FHIT: variants seen among roughly 807,000 people sequenced by gnomAD.
FHIT encodes the protein fragile histidine triad diadenosine triphosphatase, also known as bis(5'-adenosyl)-triphosphatase.
Under a neutral mutation model 17.9 loss-of-function variants are expected in FHIT, and 19 were observed. That is an observed-to-expected ratio of 1.06 (90% CI 0.74 to 1.56). The LOEUF is 1.56. Ranked by LOEUF, FHIT falls within the 40% of genes most tolerant of loss-of-function variation. The pLI is 0.00. For missense variants in FHIT, 248 were observed against 189.2 expected, an observed-to-expected ratio of 1.31 and a Z score of -1.82; for synonymous variants, 81 against 69.7, an observed-to-expected ratio of 1.16 and a Z score of -0.81.
intron 5 of FHIT, among the ~76,000 whole-genome samples, chr3:60,449,117 C>T (rs1268445150): frequency 6.6e-6 from 1 of 152,102 alleles, no homozygotes; most frequent in Non-Finnish European, 1.5e-5. Context: ...CTGTTAACTA[C>T]CTATTACTGT....
chr3:61,138,655 C>T (rs1168897111), intron 2 of FHIT, among the ~76,000 whole-genome samples: 2 of 152,226 alleles, frequency 1.3e-5, no homozygotes, highest in African/African-American at 4.8e-5. Flanking sequence ...GGCCCCGTGG[C>T]TTGAAGTTGA....
intron 5 of FHIT, among the ~76,000 whole-genome samples, chr3:60,304,086 C>T (rs373219503): frequency 1.2e-4 from 19 of 152,086 alleles, no homozygotes; most frequent in African/African-American, 4.1e-4. Context: ...TCCTTCTTTA[C>T]GTAGACACAC....
chr3:60,190,853 G>C (rs998089179), intron 5 of FHIT, among the ~76,000 whole-genome samples: 7 of 152,058 alleles, frequency 4.6e-5, no homozygotes, highest in Non-Finnish European at 1.0e-4. Flanking sequence ...TGAGGCATGA[G>C]AATCCCTTGA....
At chr3:61,069,737 C>T (rs1000387531) in intron 2 of FHIT, among the ~76,000 whole-genome samples, 1 of 152,114 alleles carries the variant, frequency 6.6e-6, no homozygotes, top group Non-Finnish European at 1.5e-5. Context: ...TAGCACAGTG[C>T]CCCACACATA....
intron 2 of FHIT, among the ~76,000 whole-genome samples, chr3:61,130,855 G>T (rs1043111796): frequency 1.3e-5 from 2 of 152,146 alleles, no homozygotes; most frequent in African/African-American, 2.4e-5. Flanking sequence ...TTGAGAAGCT[G>T]GGAGAACTGG....
chr3:60,017,173 G>A (rs572481547), intron 5 of FHIT, among the ~76,000 whole-genome samples: 5 of 152,274 alleles, frequency 3.3e-5, no homozygotes, highest in African/African-American at 9.6e-5. Flanking sequence ...TCTGTTCATA[G>A]AAGGGAACCA....
At chr3:59,807,964 T>C (rs1700267802) in intron 8 of FHIT, among the ~76,000 whole-genome samples, 1 of 152,194 alleles carries the variant, frequency 6.6e-6, no homozygotes, top group African/African-American at 2.4e-5. Context: ...CATTTTAAAG[T>C]ATATCGTTCA....
At chr3:60,287,353 G>A (rs981855781) in intron 5 of FHIT, among the ~76,000 whole-genome samples, 1 of 152,090 alleles carries the variant, frequency 6.6e-6, no homozygotes, top group Non-Finnish European at 1.5e-5. Context: ...ATTTTTAGTA[G>A]AGACGGGCTT....
chr3:60,044,553 G>A (rs1193582079), intron 5 of FHIT, among the ~76,000 whole-genome samples: 2 of 152,130 alleles, frequency 1.3e-5, no homozygotes, highest in African/African-American at 4.8e-5. Flanking sequence ...AGGAAGAGAA[G>A]AAGGAAGAGG....
At chr3:60,512,558 A>G (rs930814468) in intron 5 of FHIT, among the ~76,000 whole-genome samples, 4 of 151,226 alleles carry the variant, frequency 2.6e-5, no homozygotes, top group African/African-American at 9.7e-5. Context: ...ACCCCACTAT[A>G]TAATAATTAA....
intron 3 of FHIT, among the ~76,000 whole-genome samples, chr3:60,861,311 G>C (rs1421934145): frequency 9.6e-6 from 1 of 104,318 alleles, no homozygotes; most frequent in African/African-American, 4.1e-5. Context: ...ACTGGGTTTT[G>C]ACGAAGCTCA....
chr3:59,834,662 C>T (rs1238997503), intron 8 of FHIT, among the ~76,000 whole-genome samples: 1 of 152,076 alleles, frequency 6.6e-6, no homozygotes, highest in Non-Finnish European at 1.5e-5. Flanking sequence ...CTTATAAGGG[C>T]ACTAATCCCA....
intron 8 of FHIT, among the ~76,000 whole-genome samples, chr3:59,846,442 C>A (rs1701723748): frequency 6.6e-6 from 1 of 152,198 alleles, no homozygotes; most frequent in East Asian, 1.9e-4. Context: ...TATATCTTGA[C>A]TTCCTCAAAA....
chr3:60,868,589 A>G (rs1332667953), intron 3 of FHIT, among the ~76,000 whole-genome samples: 2 of 152,170 alleles, frequency 1.3e-5, no homozygotes, highest in African/African-American at 2.4e-5. Context: ...ATATTTTCCA[A>G]TCAATTCATG....
intron 4 of FHIT, among the ~76,000 whole-genome samples, chr3:60,804,560 G>C (rs1168623511): frequency 6.6e-6 from 1 of 152,182 alleles, no homozygotes; most frequent in Non-Finnish European, 1.5e-5. Flanking sequence ...CTACGAGTAG[G>C]AACGAGTCAA....
intron 5 of FHIT, among the ~76,000 whole-genome samples, chr3:60,112,720 C>T (rs1559642819): frequency 6.6e-6 from 1 of 152,166 alleles, no homozygotes; most frequent in Non-Finnish European, 1.5e-5. Flanking sequence ...ATGGAAACTA[C>T]ATAAATTCAT....
chr3:61,069,957 G>A (rs1389927088), intron 2 of FHIT, among the ~76,000 whole-genome samples: 9 of 152,152 alleles, frequency 5.9e-5, no homozygotes. Context: ...TCTCACCTAG[G>A]CTGGAATGCA....
intron 2 of FHIT, among the ~76,000 whole-genome samples, chr3:61,045,902 C>G (rs894200524): frequency 6.6e-6 from 1 of 151,950 alleles, no homozygotes; most frequent in African/African-American, 2.4e-5. Context: ...GGGCACATAA[C>G]GAAATGAAGG....
chr3:59,977,430 C>A (rs3772482), intron 7 of FHIT, among the ~76,000 whole-genome samples: 74,416 of 151,980 alleles, frequency 0.49, 19,481 homozygotes, highest in Middle Eastern at 0.62. Flanking sequence ...ATCCAGCCTG[C>A]CAAACCAGCA....
Sources: gnomAD v4.1 joint callset for allele counts (sites outside exome capture counted in the v4.1 genomes callset) on GRCh38, gnomAD v4.1.1 for gene constraint, MANE v1.5 for transcripts, NCBI Gene and HGNC (gene_info 2026-07-23, HGNC 2026-07-21) for gene names.